LRRC4C: variants seen among roughly 807,000 people sequenced by gnomAD.
LRRC4C encodes the protein leucine rich repeat containing 4C.
LRRC4C carries 5 observed loss-of-function variants against 33.6 expected under a neutral mutation model. That is an observed-to-expected ratio of 0.15 (90% CI 0.08 to 0.31). LRRC4C has a LOEUF of 0.31. Among genes scored for constraint, LRRC4C ranks in the 10% least tolerant of loss-of-function variants. LRRC4C has a pLI of 1.00. For missense variants in LRRC4C, 560 were observed against 796.7 expected (o/e 0.70, Z 3.58); for synonymous variants, 329 against 302.0 (o/e 1.09, Z -0.93).
intron 3 of LRRC4C, among the ~76,000 whole-genome samples, chr11:40,429,922 C>A (rs1460335511): frequency 6.6e-6 from 1 of 152,064 alleles, no homozygotes; most frequent in East Asian, 1.9e-4. Context: ...TGAAATATGA[C>A]CTAAGCTATT....
At position 40,256,217 on chromosome 11, in the gene LRRC4C, T is replaced by A. The variant is rs74527018; in HGVS notation, c.-175-14619A>T. 3.1e-3 allele frequency among the ~76,000 whole-genome samples: 467 copies of A among 152,294 alleles called. 5 individuals are homozygous for A. The highest frequency in any genetic ancestry group is 0.011 in the African/African-American group (451 of 41,546). ...GATTGGAGTAGAAAACAATCCACTC[T>A]TTTGTGGAAAGATCCTAGCTTGGGA... is the stretch of plus-strand genomic sequence containing the variant. On this transcript the variant is annotated intron_variant, in intron 4 of 6. Coordinates refer to ENST00000528697, the MANE Select transcript of LRRC4C (RefSeq NM_001258419.2).
intron 2 of LRRC4C, among the ~76,000 whole-genome samples, chr11:40,692,579 CT>C (rs35569861): frequency 4.8e-4 from 72 of 150,498 alleles, no homozygotes; most frequent in African/African-American, 1.6e-3. Context: ...AAGAAAAGCC[CT>C]TTTTTTTTGC....
At chr11:41,318,943 C>G (rs183820703) in intron 1 of LRRC4C, among the ~76,000 whole-genome samples, 2 of 152,180 alleles carry the variant, frequency 1.3e-5, no homozygotes, top group African/African-American at 4.8e-5. Context: ...CTTCAGGGGA[C>G]CAAATTTTAA....
chr11:41,267,805 C>G (rs1308965896), intron 1 of LRRC4C, among the ~76,000 whole-genome samples: 1 of 152,060 alleles, frequency 6.6e-6, no homozygotes, highest in African/African-American at 2.4e-5. Flanking sequence ...ATAGTACCCA[C>G]CATCATCGAA....
At chr11:41,114,982 C>T (rs777275958) in intron 1 of LRRC4C, among the ~76,000 whole-genome samples, 2 of 151,870 alleles carry the variant, frequency 1.3e-5, no homozygotes, top group East Asian at 1.9e-4. Flanking sequence ...AGATGAGGGC[C>T]GGGATAAAAC....
In LRRC4C at chr11:40,990,048, T is replaced by C. The variant is rs1045962013; in HGVS notation, c.-495-56325A>G. 1.3e-5 allele frequency among the ~76,000 whole-genome samples: 2 copies of C among 151,234 alleles called. 1 individual carries two copies. Among genetic ancestry groups the C allele is most frequent in the Middle Eastern group, 6.9e-3 (2 of 290 alleles). ...CTTATTTATATAAGGGGCTTGAGTA[T>C]GCAGAGACTATAGTATCTGCAGGGT... On this transcript the variant is annotated intron_variant, in intron 1 of 6. Coordinates refer to ENST00000528697, the MANE Select transcript of LRRC4C (RefSeq NM_001258419.2).
At chr11:40,807,631 C>G (rs1475907595) in intron 2 of LRRC4C, among the ~76,000 whole-genome samples, 1 of 152,214 alleles carries the variant, frequency 6.6e-6, no homozygotes, top group Non-Finnish European at 1.5e-5. Flanking sequence ...TCATCCAAAG[C>G]AGTAAATACT....
chr11:40,506,680 T>C (rs182690526), intron 3 of LRRC4C, among the ~76,000 whole-genome samples: 1 of 151,856 alleles, frequency 6.6e-6, no homozygotes, highest in African/African-American at 2.4e-5. Flanking sequence ...CAAAATAACA[T>C]AAAAATAGCC....
At chr11:40,913,514 A>G (rs1395885560) in intron 2 of LRRC4C, among the ~76,000 whole-genome samples, 1 of 152,198 alleles carries the variant, frequency 6.6e-6, no homozygotes, top group African/African-American at 2.4e-5. Context: ...ACAAAGACAC[A>G]ACATACCAGA....
At chr11:40,481,288 A>C (rs1953549201) in intron 3 of LRRC4C, among the ~76,000 whole-genome samples, 1 of 152,064 alleles carries the variant, frequency 6.6e-6, no homozygotes, top group African/African-American at 2.4e-5. Context: ...TCAGTGTGGC[A>C]TTCAACAATA....
intron 5 of LRRC4C, among the ~76,000 whole-genome samples, chr11:40,145,445 A>T (rs1464285069): frequency 6.6e-6 from 1 of 152,188 alleles, no homozygotes; most frequent in East Asian, 1.9e-4. Flanking sequence ...ACCAATGGGA[A>T]AAAAAGCCAA....
chr11:40,954,061 T>C (rs1229860118), intron 1 of LRRC4C, among the ~76,000 whole-genome samples: 1 of 151,892 alleles, frequency 6.6e-6, no homozygotes. Context: ...ATGTTCCCTA[T>C]TCATACAGTA....
chr11:41,168,832 A>G (rs567903311), intron 1 of LRRC4C, among the ~76,000 whole-genome samples: 1 of 152,312 alleles, frequency 6.6e-6, no homozygotes, highest in Admixed American at 6.5e-5. Flanking sequence ...CAAAATGCCA[A>G]TGGTCATCAC....
At chr11:40,972,414 G>A (rs1404680152) in intron 1 of LRRC4C, among the ~76,000 whole-genome samples, 1 of 152,066 alleles carries the variant, frequency 6.6e-6, no homozygotes, top group Non-Finnish European at 1.5e-5. Flanking sequence ...TGGGATTACA[G>A]GCATGAACCA....
intron 2 of LRRC4C, among the ~76,000 whole-genome samples, chr11:40,899,712 A>C (rs113489666): frequency 0.023 from 3,504 of 152,254 alleles, 56 homozygotes; most frequent in Non-Finnish European, 0.034. Context: ...GATTCAAAAG[A>C]TTAATTAGTG....
At chr11:41,428,153 A>G (rs1955109643) in intron 1 of LRRC4C, among the ~76,000 whole-genome samples, 1 of 152,166 alleles carries the variant, frequency 6.6e-6, no homozygotes, top group South Asian at 2.1e-4. Context: ...GCAGAGGAGT[A>G]GCTGATTATA....
At chr11:40,525,724 T>A (rs1207622809) in intron 3 of LRRC4C, among the ~76,000 whole-genome samples, 3 of 123,470 alleles carry the variant, frequency 2.4e-5, no homozygotes, top group Admixed American at 7.8e-5. Context: ...CTTCAGCAAC[T>A]TTTTTTTTTT....
intron 2 of LRRC4C, among the ~76,000 whole-genome samples, chr11:40,925,192 A>G (rs1811663997): frequency 6.7e-6 from 1 of 150,350 alleles, no homozygotes; most frequent in African/African-American, 2.4e-5. Flanking sequence ...TCCCCTGTCA[A>G]TCTTCTTCAT....
chr11:41,080,114 A>C (rs1939453620), intron 1 of LRRC4C, among the ~76,000 whole-genome samples: 1 of 152,276 alleles, frequency 6.6e-6, no homozygotes, highest in East Asian at 1.9e-4. Flanking sequence ...ACATTCCAGA[A>C]GTTAATTTTA....
Sources: gnomAD v4.1 joint callset for allele counts (sites outside exome capture counted in the v4.1 genomes callset) on GRCh38, gnomAD v4.1.1 for gene constraint, MANE v1.5 for transcripts, NCBI Gene and HGNC (gene_info 2026-07-23, HGNC 2026-07-21) for gene names.